Variants in RNF34 observed in about 807,000 individuals in gnomAD.
RNF34 encodes E3 ubiquitin-protein ligase RNF34.
A neutral mutation model predicts 37.9 loss-of-function variants in RNF34; 12 were observed. The ratio of observed to expected loss-of-function variants is 0.32; its 90% CI spans 0.20 to 0.51. The LOEUF (loss-of-function observed/expected upper bound fraction) is 0.51. RNF34 is among the 20% of genes least tolerant of loss of function. The pLI is 0.97. For synonymous variants in RNF34, 155 were observed against 177.2 expected, an observed-to-expected ratio of 0.87 and a Z score of 1.00; for missense variants, 362 against 472.7, an observed-to-expected ratio of 0.77 and a Z score of 2.17.
Position 121,423,495 on chromosome 12 carries a change from C to T in RNF34, c.1038C>T (p.Cys346=). 6.2e-7 allele frequency: 1 copy of T among 1,614,150 alleles called. No homozygotes were observed. The highest frequency in any genetic ancestry group is 8.5e-7 in the Non-Finnish European group (1 of 1,179,980). Residue 346 remains cysteine (C), a synonymous_variant, in exon 6 of 6, where the codon TGC becomes TGT. Transcript: ENST00000361234. The surrounding 1 kb of genome is among the most constrained non-coding windows in gnomAD (Gnocchi z 4.3). ...TGGAGTGTGGGCACATGGTTACCTG[C>T]ACCAAGTGCGGCAAGCGCATGAGTG... The part of the protein sequence containing the change: ...VLLECGHMVT[C]TKCGKRMSEC...
At chr12:121,411,552 C>CG (rs1333307076) in intron 1 of RNF34, among the ~76,000 whole-genome samples, 2 of 152,162 alleles carry the variant, frequency 1.3e-5, no homozygotes, top group Non-Finnish European at 1.5e-5. Flanking sequence ...GTCATAATCT[C>CG]TGACAGTGCT....
chr12:121,407,497 T>C (rs1555280814), intron 1 of RNF34, among the ~76,000 whole-genome samples: 2 of 152,198 alleles, frequency 1.3e-5, no homozygotes, highest in Non-Finnish European at 2.9e-5. Context: ...CAAAGGCATA[T>C]GCCTAGTATA....
chr12:121,400,459 C>T (rs1161275277), intron 1 of RNF34, among the ~76,000 whole-genome samples: 1 of 152,208 alleles, frequency 6.6e-6, no homozygotes, highest in Non-Finnish European at 1.5e-5. Context: ...AGAAGCCGGG[C>T]GTCCCTAGCG....
intron 5 of RNF34, 117 bp downstream of exon 5, chr12:121,420,895 C>T: frequency 1.3e-6 from 1 of 743,612 alleles, no homozygotes; most frequent in Non-Finnish European, 2.3e-6. Flanking sequence ...TACCATTTTA[C>T]TGAGTATCAG....
Position 121,400,162 on chromosome 12 carries a change from T to C in RNF34, c.-51T>C. 4 of 1,600,618 alleles carry C rather than the reference T, an allele frequency of 2.5e-6. No homozygotes were observed. Among genetic ancestry groups the C allele is most frequent in the South Asian group, 1.1e-5 (1 of 89,790 alleles). Reference sequence around the variant, plus strand: ...GGAGGTCGGCAGTGTGAGGAGCTGCTATGGTGCTGAGTTTCCTGGTAGAGC... The same window carrying C: ...GGAGGTCGGCAGTGTGAGGAGCTGCCATGGTGCTGAGTTTCCTGGTAGAGC... On this transcript the variant is annotated 5_prime_UTR_variant, in exon 1 of 6. Transcript: ENST00000361234.
Position 121,423,322 on chromosome 12 carries a change from G to C in RNF34, c.929-64G>C. 7.3e-7 allele frequency: 1 copy of C among 1,366,318 alleles called. No homozygotes were observed. Among genetic ancestry groups the C allele is most frequent in the Non-Finnish European group, 1.0e-6 (1 of 996,328 alleles). The allele number at this position is 1,366,318 out of a possible 1,614,324, so 84.6% of individuals were successfully genotyped here. On this transcript the variant is annotated intron_variant, in intron 5 of 5. Transcript: ENST00000361234. The surrounding 1 kb of genome is among the most constrained non-coding windows in gnomAD (Gnocchi z 4.3). ...GCAGGTGGCTGCTCAGCTTCGGACTGGGAGGGTGGCTGGCTGACTGGCCAT... is the reference window on the plus strand; with the variant it reads ...GCAGGTGGCTGCTCAGCTTCGGACTCGGAGGGTGGCTGGCTGACTGGCCAT...
chr12:121,414,264 C>G (rs1871358169), intron 1 of RNF34, among the ~76,000 whole-genome samples: 1 of 152,230 alleles, frequency 6.6e-6, no homozygotes, highest in African/African-American at 2.4e-5. Flanking sequence ...ACTTCCATTA[C>G]CTATCACATT....
chr12:121,414,996 T>C (rs1871420362), intron 1 of RNF34, among the ~76,000 whole-genome samples: 1 of 152,138 alleles, frequency 6.6e-6, no homozygotes, highest in South Asian at 2.1e-4. Context: ...CTGGGGAGGC[T>C]GAGGCAGGAG....
At position 121,416,220 on chromosome 12, in the gene RNF34, G is replaced by T; in HGVS notation, c.68G>T (p.Gly23Val). 6.2e-7 allele frequency: 1 copy of T among 1,614,082 alleles called. No homozygotes were observed. Among genetic ancestry groups the T allele is most frequent in the South Asian group, 1.1e-5 (1 of 91,070 alleles). The part of the protein sequence containing the change: ...CGLLNEVMGT[G>V]AVRGQQSAFA... ...CTGCTGAATGAAGTCATGGGAACTGGAGCTGTCAGGGGCCAGCAGTCAGCA... is the reference window on the plus strand; with the variant it reads ...CTGCTGAATGAAGTCATGGGAACTGTAGCTGTCAGGGGCCAGCAGTCAGCA... The change falls in exon 2 of 6, where the codon GGA becomes GTA. Residue 23 changes from glycine (G) to valine (V), a missense_variant. Transcript: ENST00000361234.
intron 1 of RNF34, among the ~76,000 whole-genome samples, chr12:121,408,661 G>A (rs1210786154): frequency 6.6e-6 from 1 of 152,190 alleles, no homozygotes; most frequent in East Asian, 1.9e-4. Context: ...GAGCCAGGTA[G>A]ATGGAGTCCA....
Position 121,418,163 on chromosome 12 carries a change from TTC to T in RNF34, c.633+256_633+257del, listed in dbSNP as rs546794475. On this transcript the variant is annotated intron_variant, in intron 3 of 5. Coordinates refer to ENST00000361234, the MANE Select transcript of RNF34 (RefSeq NM_025126.4). ...CATCAGTCTCTTGGCCTTAGTTAAT[TTC>T]TCTGTCTTACACAGTTAGACACTAA... 383 of 493,334 alleles carry T rather than the reference TTC, an allele frequency of 7.8e-4. 4 individuals carry two copies. The East Asian group carries it at 0.013, about 17-fold the overall frequency. The allele number at this position is 493,334 out of a possible 1,614,324, so 30.6% of individuals were successfully genotyped here. A position where few individuals can be genotyped will look rare whatever the true frequency, so the allele number is the denominator to read the frequency against.
Position 121,416,175 on chromosome 12 carries a change from T to C in RNF34, c.23T>C (p.Met8Thr), listed in dbSNP as rs781945749. The change falls in exon 2 of 6, where the codon ATG (methionine) becomes ACG (threonine). Residue 8 changes from methionine (M) to threonine (T), a missense_variant. Transcript: ENST00000361234. ...CCTTTTTAGGCGGGTGCCACGTCTA[T>C]GTGGGCTTCGTGCTGTGGGCTGCTG... MKAGATS[M>T]WASCCGLLNE... 4.3e-6 allele frequency: 7 copies of C among 1,614,026 alleles called. No homozygotes were observed. Among genetic ancestry groups the C allele is most frequent in the African/African-American group, 1.3e-5 (1 of 74,926 alleles).
rs1384922382 is a variant in RNF34 at position 121,423,854 on chromosome 12, C to G, written c.*278C>G. 1 of 378,006 alleles carries G rather than the reference C, an allele frequency of 2.6e-6. No individual in the cohort carries two copies. The highest frequency in any genetic ancestry group is 4.9e-6 in the Non-Finnish European group (1 of 206,152). 23.4% of individuals were successfully genotyped at this position (378,006 alleles called of 1,614,324 possible). The stretch of plus-strand genomic sequence containing the variant: ...AGTCAGCCTGTTTGCGCCATGTGGG[C>G]ATCAGCCACTGCTGTCTTGGGAGGA... On this transcript the variant is annotated 3_prime_UTR_variant, in exon 6 of 6. Coordinates refer to ENST00000361234, the MANE Select transcript of RNF34 (RefSeq NM_025126.4). The surrounding 1 kb of genome is among the most constrained non-coding windows in gnomAD (Gnocchi z 4.3).
Position 121,416,156 on chromosome 12 carries a change from T to C in RNF34, c.7-3T>C. On this transcript the variant is annotated splice_region_variant and splice_polypyrimidine_tract_variant and intron_variant, in intron 1 of 5. Transcript: ENST00000361234. ...AAACTGTGGGATTTGTGTTCCTTTTTAGGCGGGTGCCACGTCTATGTGGGC... is the reference window on the plus strand; with the variant it reads ...AAACTGTGGGATTTGTGTTCCTTTTCAGGCGGGTGCCACGTCTATGTGGGC... 6.2e-7 allele frequency: 1 copy of C among 1,613,420 alleles called. No homozygotes were observed. Among genetic ancestry groups the C allele is most frequent in the Non-Finnish European group, 8.5e-7 (1 of 1,179,516 alleles).
At chr12:121,404,544 A>G (rs1870337366) in intron 1 of RNF34, among the ~76,000 whole-genome samples, 1 of 151,392 alleles carries the variant, frequency 6.6e-6, no homozygotes, top group South Asian at 2.1e-4. Flanking sequence ...GCACCACCAC[A>G]CCCAGCTAAT....
chr12:121,418,085 C>A (rs1871744222), intron 3 of RNF34, 174 bp downstream of exon 3: 1 of 696,730 alleles, frequency 1.4e-6, no homozygotes, highest in South Asian at 1.9e-5. Context: ...ATAGTGTCTG[C>A]TGAGGTGCTA....
rs973406733 is a variant in RNF34, at chr12:121,410,293, C to G, written c.7-5866C>G. On this transcript the variant is annotated intron_variant, in intron 1 of 5. Coordinates refer to ENST00000361234, the MANE Select transcript of RNF34 (RefSeq NM_025126.4). ...GTGGCTCATGCCTGTAATCCCAGCT[C>G]TTTGGGAGGCTGAGGCAGGCGGATT... Among the ~76,000 whole-genome samples, 4 of 151,898 alleles carry G rather than the reference C, an allele frequency of 2.6e-5. No individual in the cohort carries two copies. In the East Asian group the frequency reaches 7.8e-4, roughly 29 times the overall value.
chr12:121,420,186 C>G, intron 3 of RNF34, 56 bp from the exon 4 acceptor site: 1 of 1,537,412 alleles, frequency 6.5e-7, no homozygotes, highest in East Asian at 2.3e-5. Context: ...AAGGTTTTCT[C>G]TAGTGATAAA....
intron 5 of RNF34, among the ~76,000 whole-genome samples, chr12:121,422,560 C>T (rs1377983594): frequency 6.6e-6 from 1 of 152,216 alleles, no homozygotes; most frequent in African/African-American, 2.4e-5. Context: ...AATCTCTCCC[C>T]ATGAATGGCA....
Sources: allele counts gnomAD v4.1 joint callset (sites outside exome capture counted in the v4.1 genomes callset), GRCh38; gene constraint gnomAD v4.1.1; non-coding constraint Gnocchi (gnomAD v3.1); transcripts MANE v1.5; gene names NCBI Gene and HGNC (gene_info 2026-07-23, HGNC 2026-07-21).